Variants in UBAP2L observed in about 807,000 individuals in gnomAD.
The protein encoded by UBAP2L is ubiquitin associated protein 2 like, also known as ubiquitin-associated protein 2-like.
UBAP2L carries 12 observed loss-of-function variants against 130.6 expected under a neutral mutation model. That is an observed-to-expected ratio of 0.09 (90% confidence interval 0.06 to 0.15). UBAP2L has a LOEUF of 0.15. Among genes scored for constraint, UBAP2L ranks in the 10% least tolerant of loss-of-function variants. The probability of loss-of-function intolerance (pLI) is 1.00; values close to 1 mark genes in which losing one functional copy is unlikely to be tolerated. For missense variants in UBAP2L, 965 were observed against 1,332.5 expected (o/e 0.72, Z 4.29); for synonymous variants, 503 against 524.7 (o/e 0.96, Z 0.57).
At chr1:154,229,368 C>T (rs763279884) in intron 4 of UBAP2L, among the ~76,000 whole-genome samples, 1 of 152,004 alleles carries the variant, frequency 6.6e-6, no homozygotes, top group Non-Finnish European at 1.5e-5. Context: ...TTATGCTTGT[C>T]TTATGTTTGT....
chr1:154,237,122 C>T lies in UBAP2L; in HGVS notation c.689C>T (p.Pro230Leu), dbSNP rs1292358211. 6.2e-7 allele frequency: 1 copy of T among 1,613,840 alleles called. No homozygotes were observed. Among genetic ancestry groups the T allele is most frequent in the Non-Finnish European group, 8.5e-7 (1 of 1,179,770 alleles). ...TGGAACAACACTGGCCACTTTGAACCAGATGATGGGACGAGTGAGTGACCA... is the reference window on the plus strand; with the variant it reads ...TGGAACAACACTGGCCACTTTGAACTAGATGATGGGACGAGTGAGTGACCA... ...NTWNNTGHFEPDDGTSAWRTA... is the reference protein window; with the variant it reads ...NTWNNTGHFELDDGTSAWRTA... The change falls in exon 8 of 27, where the codon CCA (proline) becomes CTA (leucine). Residue 230 changes from proline to leucine, a missense_variant. Physicochemically the swap from Pro to Leu is moderately conservative, Grantham distance 98 (BLOSUM62 -3). Around this residue, in one of 9 missense-constraint regions of UBAP2L, gnomAD observed 109 missense variants for 146.6 expected, o/e 0.74. Transcript: ENST00000428931.
Position 154,260,239 on chromosome 1 carries a change from A to G in UBAP2L, c.2578+210A>G, listed in dbSNP as rs925650900. Among the ~76,000 whole-genome samples the G allele has an allele frequency of 2.6e-5, 4 of 152,254 alleles. No homozygotes were observed. In the South Asian group the frequency reaches 8.3e-4, roughly 32 times the overall value. On this transcript the variant is annotated intron_variant, in intron 22 of 26. Coordinates refer to ENST00000428931, the MANE Select transcript of UBAP2L (RefSeq NM_014847.4). ...AGATGATATCTTAGCCAGGCATGGT[A>G]GCACACACTTGTAGTCTCAGCTACT...
intron 24 of UBAP2L, among the ~76,000 whole-genome samples, chr1:154,265,466 T>G (rs1682977373): frequency 6.6e-6 from 1 of 152,238 alleles, no homozygotes; most frequent in South Asian, 2.1e-4. Flanking sequence ...ATATATCTTT[T>G]TAAAATCATG....
intron 24 of UBAP2L, chr1:154,263,389 T>G (rs983732941): frequency 6.1e-6 from 8 of 1,313,424 alleles, no homozygotes; most frequent in African/African-American, 3.0e-5. Flanking sequence ...GTGCAGCACC[T>G]TCGAAGCATC....
At position 154,257,235 on chromosome 1, in the gene UBAP2L, G is replaced by A. The variant is rs1377178006; in HGVS notation, c.2330G>A (p.Arg777Gln). The change falls in exon 19 of 27, where the codon CGA becomes CAA. Residue 777 changes from arginine to glutamine, a missense_variant. Arg to Gln is a conservative substitution (Grantham distance 43, BLOSUM62 1). Around this residue, in one of 9 missense-constraint regions of UBAP2L, gnomAD observed 393 missense variants for 408.1 expected, o/e 0.96. Transcript: ENST00000428931. ...GSNSTVTAST[R>Q]SSVATTSGKA... ...AACTCCACTGTCACAGCCTCGACTC[G>A]AAGCTCAGTTGCTACGACTTCAGGT... 2 of 1,614,078 alleles carry A rather than the reference G, an allele frequency of 1.2e-6. No individual in the cohort carries two copies. The highest frequency in any genetic ancestry group is 2.2e-5 in the East Asian group (1 of 44,900).
chr1:154,270,602 T>C lies in UBAP2L; in HGVS notation c.*307T>C. On this transcript the variant is annotated 3_prime_UTR_variant, in exon 27 of 27. Transcript: ENST00000428931. ...CTTTGCTTCCTCCTGTTCACCCTGG[T>C]GGTGTACGGATGAGGCGGGGAGGTG... 1.4e-6 allele frequency: 2 copies of C among 1,417,562 alleles called. No homozygotes were observed. Among genetic ancestry groups the C allele is most frequent in the Admixed American group, 5.9e-5 (2 of 33,774 alleles). The allele number at this position is 1,417,562 out of a possible 1,614,324, so 87.8% of individuals were successfully genotyped here.
At chr1:154,229,973 G>T (rs908544490) in intron 4 of UBAP2L, among the ~76,000 whole-genome samples, 1 of 151,874 alleles carries the variant, frequency 6.6e-6, no homozygotes, top group Admixed American at 6.6e-5. Context: ...CTGTGCCTCA[G>T]CCTCCAGAGT....
intron 2 of UBAP2L, among the ~76,000 whole-genome samples, chr1:154,226,601 A>G (rs933824621): frequency 2.0e-5 from 3 of 152,210 alleles, no homozygotes; most frequent in African/African-American, 7.2e-5. Context: ...CTATTGTCAG[A>G]CTTGTATTCT....
intron 3 of UBAP2L, among the ~76,000 whole-genome samples, chr1:154,227,859 T>C (rs1319869228): frequency 2.0e-5 from 3 of 152,098 alleles, no homozygotes; most frequent in Non-Finnish European, 4.4e-5. Context: ...ATTGTAGCCC[T>C]TTGGATAGAT....
chr1:154,271,506 C>T (rs1179745961), downstream of UBAP2L: 2 of 152,238 alleles, frequency 1.3e-5, no homozygotes, highest in African/African-American at 4.8e-5. Context: ...GAATGGACTA[C>T]TGTAGTAGTG....
At position 154,243,308 on chromosome 1, in the gene UBAP2L, T is replaced by C. The variant is rs1571766874; in HGVS notation, c.842+6T>C. ...ACAATCACTGCTGGTCAGAGGCAAG[T>C]GTGCAGTAAAATTTAGTACCATTTC... On this transcript the variant is annotated splice_donor_region_variant and intron_variant, in intron 10 of 26. Coordinates refer to ENST00000428931, the MANE Select transcript of UBAP2L (RefSeq NM_014847.4). 1 of 1,610,838 alleles carries C rather than the reference T, an allele frequency of 6.2e-7. No homozygotes were observed. The highest frequency in any genetic ancestry group is 8.5e-7 in the Non-Finnish European group (1 of 1,177,574).
rs1684533706 is a variant in UBAP2L at position 154,270,588 on chromosome 1, C to T, written c.*293C>T. On this transcript the variant is annotated 3_prime_UTR_variant, in exon 27 of 27. Transcript: ENST00000428931. ...GGGCCCTGCACTTCCTTTGCTTCCT[C>T]CTGTTCACCCTGGTGGTGTACGGAT... 2 of 1,417,082 alleles carry T rather than the reference C, an allele frequency of 1.4e-6. No individual in the cohort carries two copies. Among genetic ancestry groups the T allele is most frequent in the Admixed American group, 5.9e-5 (2 of 34,120 alleles). The allele number at this position is 1,417,082 out of a possible 1,614,324, so 87.8% of individuals were successfully genotyped here. A position where few individuals can be genotyped will look rare whatever the true frequency, so the allele number is the denominator to read the frequency against.
chr1:154,228,077 T>C (rs2148506938), intron 3 of UBAP2L, among the ~76,000 whole-genome samples: 1 of 152,242 alleles, frequency 6.6e-6, no homozygotes, highest in Middle Eastern at 3.4e-3. Flanking sequence ...ATTTGGCTTT[T>C]GGAAATAGAA....
intron 24 of UBAP2L, chr1:154,263,236 A>G (rs1175165252): frequency 6.5e-7 from 1 of 1,545,242 alleles, no homozygotes; most frequent in East Asian, 2.5e-5. Context: ...ACCACTGAGG[A>G]GAGCCTGCTG....
intron 15 of UBAP2L, 31 bp from the exon 16 acceptor site, chr1:154,254,805 C>T (rs1679062631): frequency 6.3e-7 from 1 of 1,575,256 alleles, no homozygotes; most frequent in African/African-American, 1.4e-5. Flanking sequence ...TTGTCTGTTT[C>T]TTGCTCTTCT....
chr1:154,249,009 AG>A (rs1184483244), intron 11 of UBAP2L, among the ~76,000 whole-genome samples: 3 of 152,100 alleles, frequency 2.0e-5, no homozygotes, highest in African/African-American at 7.2e-5. Flanking sequence ...TTTCCAGATG[AG>A]GAAAGAGAGA....
intron 24 of UBAP2L, 22 bp downstream of exon 24, chr1:154,261,719 C>G: frequency 6.2e-7 from 1 of 1,609,512 alleles, no homozygotes; most frequent in South Asian, 1.1e-5. Context: ...TTGTCTCTGG[C>G]TCGGTGTTAT....
Position 154,258,412 on chromosome 1 carries a change from A to G in UBAP2L, c.2443-565A>G, listed in dbSNP as rs1361512339. Reference sequence around the variant, plus strand: ...GCTGACATTAGTAGCTTTTTGCCCTAGTGTATCTTCTGTGACCTTCAAGTA... The same window carrying G: ...GCTGACATTAGTAGCTTTTTGCCCTGGTGTATCTTCTGTGACCTTCAAGTA... On this transcript the variant is annotated intron_variant, in intron 20 of 26. Coordinates refer to ENST00000428931, the MANE Select transcript of UBAP2L (RefSeq NM_014847.4). Among the ~76,000 whole-genome samples the G allele has an allele frequency of 4.6e-5, 7 of 152,322 alleles. No homozygotes were observed. The East Asian group carries it at 1.2e-3, about 25-fold the overall frequency.
intron 12 of UBAP2L, 21 bp from the exon 13 acceptor site, chr1:154,251,020 A>C: frequency 6.3e-7 from 1 of 1,593,472 alleles, no homozygotes. Context: ...CTGGCTTCAT[A>C]TACTGGGTTT....
Sources: gnomAD v4.1 joint callset for allele counts (sites outside exome capture counted in the v4.1 genomes callset) on GRCh38, gnomAD v4.1.1 for gene constraint, gnomAD v4.1.1 regional missense constraint, MANE v1.5 for transcripts, NCBI Gene and HGNC (gene_info 2026-07-23, HGNC 2026-07-21) for gene names.